ADGRB1: variants seen among roughly 807,000 people sequenced by gnomAD.
ADGRB1 encodes adhesion G protein-coupled receptor B1, also known as brain-specific angiogenesis inhibitor 1.
A neutral mutation model predicts 175.7 loss-of-function variants in ADGRB1; 36 were observed. The observed-to-expected ratio is 0.20, with a 90% confidence interval of 0.16 to 0.27. ADGRB1 has a LOEUF of 0.27. Among genes scored for constraint, ADGRB1 ranks in the 10% least tolerant of loss-of-function variants. The probability of loss-of-function intolerance (pLI) is 1.00; values close to 1 mark genes in which losing one functional copy is unlikely to be tolerated. For missense variants in ADGRB1, 1,731 were observed against 2,255.3 expected, an observed-to-expected ratio of 0.77 and a Z score of 4.71; for synonymous variants, 1,054 against 979.4, an observed-to-expected ratio of 1.08 and a Z score of -1.42.
In ADGRB1 at chr8:142,488,345, C is replaced by A. The variant is rs763989427; in HGVS notation, c.2309-19C>A. 3.7e-6 allele frequency: 6 copies of A among 1,612,678 alleles called. No individual in the cohort carries two copies. In the Middle Eastern group the frequency reaches 5.0e-4, roughly 133 times the overall value. ...CTTTCCCTCCTCTCTGTCTCTCCCG[C>A]CTTTGACCCTGCTCCCAGTTCTCAG... On this transcript the variant is annotated intron_variant, in intron 13 of 30. Transcript: ENST00000517894.
At chr8:142,503,273 C>T (rs1587362998) in intron 17 of ADGRB1, among the ~76,000 whole-genome samples, 2 of 152,008 alleles carry the variant, frequency 1.3e-5, no homozygotes, top group South Asian at 4.2e-4. Context: ...GAGGTCATGG[C>T]GGTCTGGGAG....
chr8:142,486,056 G>T (rs575658131), intron 13 of ADGRB1, among the ~76,000 whole-genome samples: 2 of 152,252 alleles, frequency 1.3e-5, no homozygotes, highest in South Asian at 2.1e-4. Context: ...ATGAAATTGG[G>T]GATTCAATTT....
At chr8:142,463,317 G>A (rs1271571359) in intron 1 of ADGRB1, among the ~76,000 whole-genome samples, 1 of 152,178 alleles carries the variant, frequency 6.6e-6, no homozygotes, top group South Asian at 2.1e-4. Context: ...GGCAGTCTTG[G>A]GGGGGCACCA....
chr8:142,478,369 T>C lies in ADGRB1; in HGVS notation c.1561+9T>C. On this transcript the variant is annotated intron_variant, in intron 7 of 30. Coordinates refer to ENST00000517894, the MANE Select transcript of ADGRB1 (RefSeq NM_001702.3). ...CCTGCAGCAGTGCCCAGGTCAGGGG[T>C]GCGCCAGGCTGGGGTCGGGGGGCAC... 6.3e-7 allele frequency: 1 copy of C among 1,587,076 alleles called. No individual in the cohort carries two copies. The highest frequency in any genetic ancestry group is 1.1e-5 in the South Asian group (1 of 87,966).
chr8:142,500,125 G>A lies in ADGRB1; in HGVS notation c.2675+9310G>A, dbSNP rs953886211. ...ACGTTCCTCACAATGCAAGACGCCA[G>A]TCCCATGGCTGCCGTCCGGCGCTGC... On this transcript the variant is annotated intron_variant, in intron 17 of 30. Coordinates refer to ENST00000517894, the MANE Select transcript of ADGRB1 (RefSeq NM_001702.3). Among the ~76,000 whole-genome samples the A allele has an allele frequency of 2.8e-4, 43 of 152,050 alleles. 1 individual carries two copies. Among genetic ancestry groups the A allele is most frequent in the Admixed American group, 2.6e-3 (39 of 15,280 alleles).
intron 17 of ADGRB1, among the ~76,000 whole-genome samples, chr8:142,506,033 C>T (rs913745297): frequency 1.3e-5 from 2 of 152,168 alleles, no homozygotes; most frequent in Non-Finnish European, 2.9e-5. Context: ...CGCCTGTGGG[C>T]GCCTGTGGGA....
chr8:142,519,170 A>G (rs1587397191), intron 19 of ADGRB1, among the ~76,000 whole-genome samples: 1 of 152,226 alleles, frequency 6.6e-6, no homozygotes, highest in East Asian at 1.9e-4. Context: ...TCCACAAAAC[A>G]TCTGGGGAAT....
chr8:142,507,536 C>T (rs1225949866), intron 17 of ADGRB1, among the ~76,000 whole-genome samples: 2 of 152,182 alleles, frequency 1.3e-5, no homozygotes, highest in African/African-American at 2.4e-5. Flanking sequence ...CCCCAGAGGC[C>T]GATAAACGAC....
rs111371566 is a variant in ADGRB1 at position 142,525,290 on chromosome 8, G to A, written c.3312+986G>A. Among the ~76,000 whole-genome samples the A allele has an allele frequency of 4.9e-3, 752 of 152,056 alleles. 5 individuals are homozygous for A. Among genetic ancestry groups the A allele is most frequent in the African/African-American group, 0.016 (665 of 41,470 alleles). On this transcript the variant is annotated intron_variant, in intron 23 of 30. Coordinates refer to ENST00000517894, the MANE Select transcript of ADGRB1 (RefSeq NM_001702.3). ...CCTCCAGGCGGGAGGCAGGAGAGGCGTGGGGTACCTGGCGGTACCCCAGGC... is the reference window on the plus strand; with the variant it reads ...CCTCCAGGCGGGAGGCAGGAGAGGCATGGGGTACCTGGCGGTACCCCAGGC...
rs185898436 is a variant in ADGRB1, at chr8:142,492,347, G to A, written c.2675+1532G>A. 6.6e-6 allele frequency among the ~76,000 whole-genome samples: 1 copy of A among 152,260 alleles called. No homozygotes were observed. The highest frequency in any genetic ancestry group is 1.9e-4 in the East Asian group (1 of 5,168). On this transcript the variant is annotated intron_variant, in intron 17 of 30. Coordinates refer to ENST00000517894, the MANE Select transcript of ADGRB1 (RefSeq NM_001702.3). This position sits in a 1 kb window ranked among gnomAD's most constrained non-coding sequence, Gnocchi z 4.4. ...CCCAGCCTTTAGCCTCCTCTCCCCA[G>A]TGAGGAGGGATGGGGAACAGGGACA...
chr8:142,492,928 C>G lies in ADGRB1; in HGVS notation c.2675+2113C>G, dbSNP rs1016984922. On this transcript the variant is annotated intron_variant, in intron 17 of 30. Transcript: ENST00000517894. This position sits in a 1 kb window ranked among gnomAD's most constrained non-coding sequence, Gnocchi z 4.4. ...GCAGAAACCCTCCATCCGGGCTGTT[C>G]GCCGGCCGCGGCAGCTCTCGGGGGG... Among the ~76,000 whole-genome samples the G allele has an allele frequency of 6.6e-6, 1 of 151,910 alleles. No homozygotes were observed. Among genetic ancestry groups the G allele is most frequent in the South Asian group, 2.1e-4 (1 of 4,790 alleles).
At chr8:142,518,433 C>T (rs1297268528) in intron 19 of ADGRB1, among the ~76,000 whole-genome samples, 192 bp downstream of exon 19, 2 of 152,012 alleles carry the variant, frequency 1.3e-5, no homozygotes, top group African/African-American at 4.8e-5. Context: ...CCTGAGGCCA[C>T]CCCACACACT....
intron 13 of ADGRB1, among the ~76,000 whole-genome samples, chr8:142,488,134 G>C (rs547343615): frequency 1.3e-5 from 2 of 152,304 alleles, no homozygotes; most frequent in East Asian, 1.9e-4. Context: ...GACCAGGACC[G>C]GCCCAGCCTC....
At position 142,478,220 on chromosome 8, in the gene ADGRB1, C is replaced by G; in HGVS notation, c.1421C>G (p.Ser474Trp). 6.2e-7 allele frequency: 1 copy of G among 1,607,220 alleles called. No individual in the cohort carries two copies. Among genetic ancestry groups the G allele is most frequent in the Non-Finnish European group, 8.5e-7 (1 of 1,177,644 alleles). ...GTGGATGGAAACTGGAATGAGTGGT[C>G]GAGCTGGAGCGCCTGCTCCGCCAGC... is the stretch of plus-strand genomic sequence containing the variant. ...RAVDGNWNEW[S>W]SWSACSASCS... Residue 474 changes from serine (S) to tryptophan (W), a missense_variant, in exon 7 of 31, where the codon TCG (serine) becomes TGG (tryptophan). Ser to Trp is a radical substitution (Grantham distance 177). Transcript: ENST00000517894.
chr8:142,521,249 G>A (rs774216394), intron 20 of ADGRB1, among the ~76,000 whole-genome samples: 1 of 152,156 alleles, frequency 6.6e-6, no homozygotes, highest in Non-Finnish European at 1.5e-5. Context: ...CTCAGGGCTG[G>A]GGAGTGGCAC....
intron 7 of ADGRB1, 120 bp from the exon 8 acceptor site, chr8:142,479,203 C>T (rs1841189847): frequency 6.9e-6 from 8 of 1,157,930 alleles, no homozygotes; most frequent in Non-Finnish European, 7.8e-6. Flanking sequence ...TTCCTGGGTC[C>T]CTATGTTTCA....
rs764438039 is a variant in ADGRB1 at position 142,484,641 on chromosome 8, C to G, written c.2200-15C>G. 3 of 1,601,782 alleles carry G rather than the reference C, an allele frequency of 1.9e-6. No individual in the cohort carries two copies. The highest frequency in any genetic ancestry group is 2.6e-6 in the Non-Finnish European group (3 of 1,175,224). On this transcript the variant is annotated splice_polypyrimidine_tract_variant and intron_variant, in intron 12 of 30. Transcript: ENST00000517894. ...GGGGCCTCCTCCCTCGGCTGCTCAC[C>G]CCCCTGCCCTCCAGGCGGGCCCCAA...
intron 3 of ADGRB1, among the ~76,000 whole-genome samples, chr8:142,475,896 C>CGGGGCAGGCCCTTGGGAGTG (rs1554606865): frequency 1.4e-5 from 2 of 145,216 alleles, no homozygotes; most frequent in Non-Finnish European, 3.0e-5. Context: ...GACCTAAACT[C>CGGGGCAGGCCCTTGGGAGTG]GGGGCTGGCC....
intron 17 of ADGRB1, among the ~76,000 whole-genome samples, chr8:142,499,226 C>T (rs1174972902): frequency 6.6e-6 from 1 of 152,234 alleles, no homozygotes; most frequent in African/African-American, 2.4e-5. Flanking sequence ...CTTTCTCCAG[C>T]CCCGGCCCTG....
Sources: allele counts gnomAD v4.1 joint callset (sites outside exome capture counted in the v4.1 genomes callset), GRCh38; gene constraint gnomAD v4.1.1; non-coding constraint Gnocchi (gnomAD v3.1); transcripts MANE v1.5; gene names NCBI Gene and HGNC (gene_info 2026-07-23, HGNC 2026-07-21).